CHAF1A: variants seen among roughly 807,000 people sequenced by gnomAD.
The protein encoded by CHAF1A is chromatin assembly factor 1 subunit A, also known as CAF-1 subunit A.
CHAF1A carries 5 observed loss-of-function variants against 93.2 expected under a neutral mutation model. The ratio of observed to expected loss-of-function variants is 0.05; its 90% CI spans 0.03 to 0.11. The LOEUF is 0.11. Among genes scored for constraint, CHAF1A ranks in the 10% least tolerant of loss-of-function variants. The probability of loss-of-function intolerance (pLI) is 1.00; values close to 1 mark genes in which losing one functional copy is unlikely to be tolerated. For missense variants in CHAF1A, 1,102 were observed against 1,259.9 expected, an observed-to-expected ratio of 0.87 and a Z score of 1.90; for synonymous variants, 504 against 510.3, an observed-to-expected ratio of 0.99 and a Z score of 0.17.
chr19:4,408,677 T>C (rs1447907956), intron 2 of CHAF1A, among the ~76,000 whole-genome samples: 1 of 151,124 alleles, frequency 6.6e-6, no homozygotes, highest in Non-Finnish European at 1.5e-5. Flanking sequence ...GTTTCACCAT[T>C]TTGGTCTGGC....
downstream of CHAF1A, chr19:4,448,430 G>A (rs946058729): frequency 3.8e-6 from 6 of 1,593,444 alleles, no homozygotes; most frequent in Admixed American, 1.0e-4. Context: ...GAGGAGGGAA[G>A]CAGGGAAAGC....
rs183488523 is a variant in CHAF1A at position 4,407,718 on chromosome 19, C to T, written c.104-1185C>T. ...GTCCCAGCACCTTGGGAGGTGGAGG[C>T]GGGCAGATCACCTGAGGTCAGGAGT... On this transcript the variant is annotated intron_variant, in intron 2 of 14. Coordinates refer to ENST00000301280, the MANE Select transcript of CHAF1A (RefSeq NM_005483.3). Among the ~76,000 whole-genome samples the T allele has an allele frequency of 3.5e-4, 53 of 152,120 alleles. 1 individual carries two copies. The East Asian group carries it at 0.01, about 29-fold the overall frequency.
chr19:4,448,264 G>GT, downstream of CHAF1A: 1 of 1,474,066 alleles, frequency 6.8e-7, no homozygotes, highest in Non-Finnish European at 9.2e-7. Context: ...CCAGTGGGAG[G>GT]GGTGCTGGGA....
chr19:4,426,964 C>T (rs1245675779), intron 7 of CHAF1A, among the ~76,000 whole-genome samples: 2 of 150,828 alleles, frequency 1.3e-5, no homozygotes, highest in African/African-American at 4.9e-5. Flanking sequence ...TGGTGGTAGG[C>T]GTCTGTAATC....
At chr19:4,429,323 A>C (rs1163405420) in intron 8 of CHAF1A, 115 bp from the exon 9 acceptor site, 1 of 1,234,496 alleles carries the variant, frequency 8.1e-7, no homozygotes, top group Non-Finnish European at 1.1e-6. Context: ...GCTGCTTTTT[A>C]ACAAATGCCC....
At chr19:4,427,556 G>T (rs934490996) in intron 7 of CHAF1A, among the ~76,000 whole-genome samples, 2 of 149,352 alleles carry the variant, frequency 1.3e-5, no homozygotes, top group East Asian at 2.0e-4. Context: ...GGGACTACAG[G>T]TGCCCACCAC....
chr19:4,447,765 C>T (rs570926880), downstream of CHAF1A: 1 of 801,292 alleles, frequency 1.2e-6, no homozygotes, highest in African/African-American at 1.7e-5. Flanking sequence ...GACGCGAGGG[C>T]AGCAGACCAT....
intron 10 of CHAF1A, 103 bp downstream of exon 10, chr19:4,429,891 G>C: frequency 2.0e-6 from 2 of 992,540 alleles, no homozygotes; most frequent in Non-Finnish European, 3.0e-6. Flanking sequence ...TTCACTCACT[G>C]ACAGCTGGTG....
chr19:4,423,773 C>T (rs1249926857), intron 6 of CHAF1A, 33 bp from the exon 7 acceptor site: 4 of 1,604,016 alleles, frequency 2.5e-6, no homozygotes, highest in East Asian at 2.2e-5. Flanking sequence ...CTCTTCCTCT[C>T]CTCTTTCTCA....
chr19:4,432,014 G>A lies in CHAF1A; in HGVS notation c.2010G>A (p.Glu670=), dbSNP rs11556317. The stretch of plus-strand genomic sequence containing the variant: ...AACTGAAGGCCAAGGAGTGGGACGA[G>A]TTCCTGGCTAAGGGGAAGCGCTTTC... ...RQKLKAKEWD[E]FLAKGKRFRV... is the part of the protein sequence containing the mutation. The change falls in exon 12 of 15, where the codon GAG becomes GAA. Residue 670 remains glutamate, a synonymous_variant. Transcript: ENST00000301280. 4,859 of 1,614,194 alleles carry A rather than the reference G, an allele frequency of 3.0e-3. 18 individuals carry two copies. Among genetic ancestry groups the A allele is most frequent in the South Asian group, 8.2e-3 (746 of 91,080 alleles).
intron 13 of CHAF1A, among the ~76,000 whole-genome samples, chr19:4,440,134 G>A (rs1194954675): frequency 6.6e-6 from 1 of 152,184 alleles, no homozygotes. Context: ...GGTTTTTGTA[G>A]AGGAAGAATT....
intron 12 of CHAF1A, among the ~76,000 whole-genome samples, chr19:4,432,408 G>A (rs1234021592): frequency 1.3e-5 from 2 of 152,150 alleles, no homozygotes; most frequent in African/African-American, 2.4e-5. Context: ...TAATTGGCTT[G>A]TTTTATCAAC....
chr19:4,446,234 G>C (rs754221360), downstream of CHAF1A: 1 of 1,577,360 alleles, frequency 6.3e-7, no homozygotes, highest in Admixed American at 1.8e-5. Flanking sequence ...TGGGGCCCAG[G>C]GCCCCCTACC....
At chr19:4,446,541 G>C (rs765248393), downstream of CHAF1A, 1 of 1,612,156 alleles carries the variant, frequency 6.2e-7, no homozygotes, top group East Asian at 2.2e-5. Flanking sequence ...CTGTGAGGTT[G>C]AAGAAGTCCC....
At chr19:4,434,653 G>A (rs1250819805) in intron 13 of CHAF1A, among the ~76,000 whole-genome samples, 1 of 152,038 alleles carries the variant, frequency 6.6e-6, no homozygotes, top group Non-Finnish European at 1.5e-5. Flanking sequence ...TCTGTTTGTG[G>A]CTTGATAGCT....
At chr19:4,442,379 G>A (rs376141094) in intron 14 of CHAF1A, 38 bp downstream of exon 14, 62 of 1,505,308 alleles carry the variant, frequency 4.1e-5, no homozygotes, top group Middle Eastern at 1.7e-4. Context: ...CACTGGTGAG[G>A]TGGGCGCTGG....
chr19:4,423,401 G>A lies in CHAF1A; in HGVS notation c.1308+6G>A, dbSNP rs369600602. On this transcript the variant is annotated splice_donor_region_variant and intron_variant, in intron 6 of 14. Coordinates refer to ENST00000301280, the MANE Select transcript of CHAF1A (RefSeq NM_005483.3). ...GGTTAAGAGAAGAAGAGAAGGTAGA[G>A]TGTTTCCCACAGAGCTTCCCCGTCC... is the stretch of plus-strand genomic sequence containing the variant. 1.2e-6 allele frequency: 2 copies of A among 1,613,912 alleles called. No individual in the cohort carries two copies. The highest frequency in any genetic ancestry group is 1.1e-5 in the South Asian group (1 of 91,062).
At chr19:4,404,115 C>T (rs1031003103) in intron 1 of CHAF1A, among the ~76,000 whole-genome samples, 1 of 152,014 alleles carries the variant, frequency 6.6e-6, no homozygotes, top group Admixed American at 6.6e-5. Context: ...GCCACCATGC[C>T]TGGCCAGGAT....
intron 2 of CHAF1A, among the ~76,000 whole-genome samples, 181 bp downstream of exon 2, chr19:4,406,143 C>T (rs1568428338): frequency 1.3e-5 from 2 of 152,164 alleles, no homozygotes; most frequent in African/African-American, 2.4e-5. Flanking sequence ...AAGTAAACCC[C>T]GAGGCCTCCA....
Sources: gnomAD v4.1 joint callset for allele counts (sites outside exome capture counted in the v4.1 genomes callset) on GRCh38, gnomAD v4.1.1 for gene constraint, MANE v1.5 for transcripts, NCBI Gene and HGNC (gene_info 2026-07-23, HGNC 2026-07-21) for gene names.